The following SEPTIN9 variants were observed in gnomAD, a reference collection of about 807,000 sequenced individuals.
SEPTIN9 encodes the protein septin-9.
SEPTIN9 carries 13 observed loss-of-function variants against 56.6 expected under a neutral mutation model. The observed-to-expected ratio is 0.23, with a 90% CI of 0.15 to 0.37. The LOEUF (loss-of-function observed/expected upper bound fraction) is 0.37, where lower values mean the gene tolerates loss of function less well. SEPTIN9 is among the 10% of genes least tolerant of loss of function. The probability of loss-of-function intolerance (pLI) is 1.00; values close to 1 mark genes in which losing one functional copy is unlikely to be tolerated. For synonymous variants in SEPTIN9, 332 were observed against 334.1 expected, an observed-to-expected ratio of 0.99 and a Z score of 0.07; for missense variants, 650 against 823.1, an observed-to-expected ratio of 0.79 and a Z score of 2.57.
At position 77,369,949 on chromosome 17, in the gene SEPTIN9, C is replaced by T. The variant is rs1366258250; in HGVS notation, c.77-32110C>T. Among the ~76,000 whole-genome samples the T allele has an allele frequency of 6.6e-6, 1 of 152,250 alleles. No individual in the cohort carries two copies. The highest frequency in any genetic ancestry group is 1.5e-5 in the Non-Finnish European group (1 of 68,038). ...GGGTTTCTCTCCAGACCTGCTCCTT[C>T]CCATTTCCAGAAAGGCGTGCAGGGG... On this transcript the variant is annotated intron_variant, in intron 2 of 11. Coordinates refer to ENST00000427177, the MANE Select transcript of SEPTIN9 (RefSeq NM_001113491.2). This position sits in a 1 kb window ranked among gnomAD's most constrained non-coding sequence, Gnocchi z 4.9.
chr17:77,295,785 AC>A (rs1555641821), intron 1 of SEPTIN9, among the ~76,000 whole-genome samples: 2 of 95,146 alleles, frequency 2.1e-5, no homozygotes, highest in Non-Finnish European at 4.3e-5. Flanking sequence ...AGCTGCCCCC[AC>A]CGCCCCCCAC....
Position 77,492,478 on chromosome 17 carries a change from G to A in SEPTIN9, c.1381-143G>A. 1.3e-6 allele frequency: 1 copy of A among 754,438 alleles called. No individual in the cohort carries two copies. Among genetic ancestry groups the A allele is most frequent in the Non-Finnish European group, 2.4e-6 (1 of 416,784 alleles). The allele number at this position is 754,438 out of a possible 1,614,324, so 46.7% of individuals were successfully genotyped here. On this transcript the variant is annotated intron_variant, in intron 8 of 11. Coordinates refer to ENST00000427177, the MANE Select transcript of SEPTIN9 (RefSeq NM_001113491.2). This position sits in a 1 kb window ranked among gnomAD's most constrained non-coding sequence, Gnocchi z 5.4. ...CCTCCAGGAGGCACAGGAGTTGGAG[G>A]TGATTGGTGTCACAGCCCCCCAGAG...
In SEPTIN9 at chr17:77,389,919, C is replaced by G. The variant is rs1414383950; in HGVS notation, c.77-12140C>G. On this transcript the variant is annotated intron_variant, in intron 2 of 11. Coordinates refer to ENST00000427177, the MANE Select transcript of SEPTIN9 (RefSeq NM_001113491.2). The surrounding 1 kb of genome is among the most constrained non-coding windows in gnomAD (Gnocchi z 4.3). ...GCCAGAGGTGCTCCCATTCCCATAG[C>G]TGATTTAGTAAAGAAAAGAGGAAGT... Among the ~76,000 whole-genome samples the G allele has an allele frequency of 6.6e-6, 1 of 152,122 alleles. No homozygotes were observed. Among genetic ancestry groups the G allele is most frequent in the Non-Finnish European group, 1.5e-5 (1 of 68,038 alleles).
rs376120739 is a variant in SEPTIN9, at chr17:77,310,611, T to C, written c.76+3414T>C. ...TCCCCAGGTGGATTTGGCTGGGCTG[T>C]GGAGATGCGCTTCTCAGCCCTTCTA... is the stretch of plus-strand genomic sequence containing the variant. On this transcript the variant is annotated intron_variant, in intron 2 of 11. Transcript: ENST00000427177. This position sits in a 1 kb window ranked among gnomAD's most constrained non-coding sequence, Gnocchi z 4.7. Among the ~76,000 whole-genome samples, 56 of 152,202 alleles carry C rather than the reference T, an allele frequency of 3.7e-4. No individual in the cohort carries two copies. Among genetic ancestry groups the C allele is most frequent in the African/African-American group, 1.2e-3 (51 of 41,504 alleles).
chr17:77,486,240 C>A (rs543057075), intron 4 of SEPTIN9, among the ~76,000 whole-genome samples: 16 of 152,160 alleles, frequency 1.1e-4, no homozygotes, highest in Non-Finnish European at 1.9e-4. Context: ...GTAGCTGGGA[C>A]TATAGGTGCT....
chr17:77,454,355 C>A, intron 3 of SEPTIN9: 1 of 985,522 alleles, frequency 1.0e-6, no homozygotes, highest in South Asian at 4.7e-5. Flanking sequence ...CAGCCCGGTT[C>A]CCGGACAGGT....
rs375724578 is a variant in SEPTIN9 at position 77,387,254 on chromosome 17, G to C, written c.77-14805G>C. ...CTCTCCCAGCTTCTGGTGGCTCCCGGGTGCTCCTGGGCATGTAGATGCGTC... is the reference window on the plus strand; with the variant it reads ...CTCTCCCAGCTTCTGGTGGCTCCCGCGTGCTCCTGGGCATGTAGATGCGTC... On this transcript the variant is annotated intron_variant, in intron 2 of 11. Coordinates refer to ENST00000427177, the MANE Select transcript of SEPTIN9 (RefSeq NM_001113491.2). Among the ~76,000 whole-genome samples, 49 of 152,336 alleles carry C rather than the reference G, an allele frequency of 3.2e-4. 3 individuals are homozygous for C. The highest frequency in any genetic ancestry group is 2.7e-3 in the South Asian group (13 of 4,814).
At chr17:77,411,511 C>A (rs934076592) in intron 3 of SEPTIN9, among the ~76,000 whole-genome samples, 3 of 151,940 alleles carry the variant, frequency 2.0e-5, no homozygotes, top group African/African-American at 7.3e-5. Flanking sequence ...AAGCGATTCT[C>A]CTGCCTCAGC....
At position 77,476,803 on chromosome 17, in the gene SEPTIN9, G is replaced by A. The variant is rs1168241550; in HGVS notation, c.722-5341G>A. 6.6e-6 allele frequency among the ~76,000 whole-genome samples: 1 copy of A among 152,240 alleles called. No homozygotes were observed. The highest frequency in any genetic ancestry group is 2.4e-5 in the African/African-American group (1 of 41,458). On this transcript the variant is annotated intron_variant, in intron 3 of 11. Transcript: ENST00000427177. This position sits in a 1 kb window ranked among gnomAD's most constrained non-coding sequence, Gnocchi z 6.0. ...TGCAAGAAGATGGGGGAGTTTGTCT[G>A]GGGCATGGTCTGGCGACACCAACTT...
At position 77,449,021 on chromosome 17, in the gene SEPTIN9, T is replaced by C. The variant is rs150907558; in HGVS notation, c.722-33123T>C. ...CTGGTTTTGAACTCCTGACCTCAGG[T>C]GATCTGCCCACCTCAGCCTCCCAAA... On this transcript the variant is annotated intron_variant, in intron 3 of 11. Transcript: ENST00000427177. This position sits in a 1 kb window ranked among gnomAD's most constrained non-coding sequence, Gnocchi z 4.6. 0.021 allele frequency among the ~76,000 whole-genome samples: 3,177 copies of C among 152,218 alleles called. 101 individuals carry two copies. The highest frequency in any genetic ancestry group is 0.069 in the African/African-American group (2,858 of 41,512).
At position 77,389,704 on chromosome 17, in the gene SEPTIN9, C is replaced by T. The variant is rs532494677; in HGVS notation, c.77-12355C>T. 1.1e-4 allele frequency among the ~76,000 whole-genome samples: 17 copies of T among 151,806 alleles called. No homozygotes were observed. Among genetic ancestry groups the T allele is most frequent in the Admixed American group, 6.5e-4 (10 of 15,290 alleles). Reference sequence around the variant, plus strand: ...CCTTCCACCAGGGACGGAGGGTGGGCGGCCCTCCCACCCAGGCCCTGGCGG... The same window carrying T: ...CCTTCCACCAGGGACGGAGGGTGGGTGGCCCTCCCACCCAGGCCCTGGCGG... On this transcript the variant is annotated intron_variant, in intron 2 of 11. Transcript: ENST00000427177. This position sits in a 1 kb window ranked among gnomAD's most constrained non-coding sequence, Gnocchi z 4.3.
intron 2 of SEPTIN9, among the ~76,000 whole-genome samples, chr17:77,356,522 C>T (rs1214502887): frequency 4.6e-5 from 7 of 150,980 alleles, no homozygotes; most frequent in African/African-American, 9.8e-5. Flanking sequence ...TGAAGGTATT[C>T]GTGGGAACCA....
At chr17:77,479,564 GTAT>G (rs916518926) in intron 3 of SEPTIN9, among the ~76,000 whole-genome samples, 3 of 152,238 alleles carry the variant, frequency 2.0e-5, no homozygotes, top group African/African-American at 7.2e-5. Context: ...CGGCTGCGTT[GTAT>G]TATTATTTCT....
intron 3 of SEPTIN9, among the ~76,000 whole-genome samples, chr17:77,438,274 T>A (rs59034238): frequency 0.041 from 6,295 of 152,272 alleles, 376 homozygotes; most frequent in African/African-American, 0.13. Flanking sequence ...ATTTTACAGA[T>A]AATGTGCTCC....
intron 1 of SEPTIN9, among the ~76,000 whole-genome samples, chr17:77,288,995 G>A (rs1303100197): frequency 5.3e-5 from 8 of 152,246 alleles, no homozygotes; most frequent in Non-Finnish European, 8.8e-5. Context: ...TGGCTGGGGC[G>A]ATGAGTCATT....
intron 2 of SEPTIN9, chr17:77,373,136 G>A (rs1363326338): frequency 4.1e-6 from 4 of 974,420 alleles, no homozygotes; most frequent in Middle Eastern, 4.7e-4. Context: ...GAGGAGGGGG[G>A]CGCTCCGGTC....
At chr17:77,424,569 T>C (rs948390099) in intron 3 of SEPTIN9, among the ~76,000 whole-genome samples, 3 of 152,218 alleles carry the variant, frequency 2.0e-5, no homozygotes, top group Non-Finnish European at 4.4e-5. Flanking sequence ...GGCTAAGCTC[T>C]TGTTCTCCTC....
intron 2 of SEPTIN9, among the ~76,000 whole-genome samples, chr17:77,377,859 C>T (rs984666729): frequency 2.0e-5 from 3 of 152,198 alleles, no homozygotes; most frequent in African/African-American, 7.2e-5. Flanking sequence ...TCAAGGCATC[C>T]TGTGAATACT....
At chr17:77,484,754 A>G (rs1314292719) in intron 4 of SEPTIN9, among the ~76,000 whole-genome samples, 37 of 19,458 alleles carry the variant, frequency 1.9e-3, no homozygotes, top group Admixed American at 2.7e-3. Flanking sequence ...GGTGGTTGTG[A>G]TGGTGGTGAT....
Sources: gnomAD v4.1 joint callset for allele counts (sites outside exome capture counted in the v4.1 genomes callset) on GRCh38, gnomAD v4.1.1 for gene constraint, Gnocchi (gnomAD v3.1) non-coding constraint, MANE v1.5 for transcripts, NCBI Gene and HGNC (gene_info 2026-07-23, HGNC 2026-07-21) for gene names.